The following ZNF248 variants were observed in gnomAD, a reference collection of about 807,000 sequenced individuals.
ZNF248 encodes the protein zinc finger protein 248, also known as KRAB protein domain.
Under a neutral mutation model 44.3 loss-of-function variants are expected in ZNF248, and 20 were observed. The ratio of observed to expected loss-of-function variants is 0.45; its 90% CI spans 0.32 to 0.66. The LOEUF (loss-of-function observed/expected upper bound fraction) is 0.66. Ranked by LOEUF, ZNF248 falls within the 30% of genes least tolerant of loss-of-function variation. The pLI is 0.04. For missense variants in ZNF248, 654 were observed against 677.0 expected (o/e 0.97, Z 0.38); for synonymous variants, 224 against 229.0 (o/e 0.98, Z 0.20).
At position 37,853,885 on chromosome 10, in the gene ZNF248, T is replaced by A. The variant is rs953724217; in HGVS notation, c.15+2411A>T. The stretch of plus-strand genomic sequence containing the variant: ...AAGGCAAATAACTGTAGATGAAGCA[T>A]GATATTGCAAAAGGGAAGAAAAAGC... On this transcript the variant is annotated intron_variant, in intron 3 of 5. Coordinates refer to ENST00000395867, the MANE Select transcript of ZNF248 (RefSeq NM_021045.3). Among the ~76,000 whole-genome samples, 5 of 152,026 alleles carry A rather than the reference T, an allele frequency of 3.3e-5. No individual in the cohort carries two copies. The South Asian group carries it at 6.2e-4, about 19-fold the overall frequency.
intron 3 of ZNF248, among the ~76,000 whole-genome samples, chr10:37,851,097 TA>T (rs1006841349): frequency 6.6e-6 from 1 of 151,818 alleles, no homozygotes; most frequent in African/African-American, 2.4e-5. Flanking sequence ...CTCAATACAT[TA>T]AAAAAAATCC....
chr10:37,791,685 G>A (rs1205889600), intron 6 of ZNF248: 1 of 152,148 alleles, frequency 6.6e-6, no homozygotes, highest in Non-Finnish European at 1.5e-5. Flanking sequence ...AAAGCCATTT[G>A]AATAAAAATT....
intron 6 of ZNF248, among the ~76,000 whole-genome samples, chr10:37,784,954 T>C (rs2047717339): frequency 6.6e-6 from 1 of 152,192 alleles, no homozygotes; most frequent in Non-Finnish European, 1.5e-5. Flanking sequence ...TATTATACAA[T>C]TTGCGTCTCC....
chr10:37,803,980 TAATTAAAAAGAAC>T, intron 6 of ZNF248: 1 of 152,786 alleles, frequency 6.5e-6, no homozygotes, highest in African/African-American at 2.4e-5. Context: ...ACATGGTGGA[TAATTAAAAAGAAC>T]AAGAAGACAT....
rs1437181966 is a variant in ZNF248, at chr10:37,829,137, CAA to C, written c.*2476_*2477del. ...AGCAGATGTATCTGGTTGGTTTCTC[CAA>C]AGAGAGACACCAGCAATTTGGCACC... On this transcript the variant is annotated 3_prime_UTR_variant, in exon 6 of 6. Transcript: ENST00000395867. 1 of 985,340 alleles carries C rather than the reference CAA, an allele frequency of 1.0e-6. No individual in the cohort carries two copies. The highest frequency in any genetic ancestry group is 1.1e-4 in the East Asian group (1 of 8,828). The allele number at this position is 985,340 out of a possible 1,614,324, so 61.0% of individuals were successfully genotyped here.
At chr10:37,764,612 C>T in the ZNF248 span, among the ~76,000 whole-genome samples, 3 of 152,126 alleles carry the variant, frequency 2.0e-5, no homozygotes, top group Admixed American at 2.0e-4. Context: ...CCCCTGGACA[C>T]CCAGCTTTAA....
At chr10:37,796,150 T>C (rs897623335) in intron 6 of ZNF248, 3 of 152,044 alleles carry the variant, frequency 2.0e-5, no homozygotes, top group African/African-American at 7.2e-5. Context: ...TATTTTGTAA[T>C]AATAAAAGGG....
At chr10:37,818,978 A>C (rs2053018167) in intron 6 of ZNF248, 1 of 1,046,268 alleles carries the variant, frequency 9.6e-7, no homozygotes, top group East Asian at 2.4e-5. Flanking sequence ...TCAACCACAA[A>C]ACTCTGGTGT....
downstream of ZNF248, among the ~76,000 whole-genome samples, chr10:37,826,019 G>A (rs2054329195): frequency 6.6e-6 from 1 of 152,118 alleles, no homozygotes; most frequent in African/African-American, 2.4e-5. Context: ...CTACCTAAAA[G>A]TGAGCCATTG....
At chr10:37,795,634 A>T (rs925261472) in intron 6 of ZNF248, 1 of 152,092 alleles carries the variant, frequency 6.6e-6, no homozygotes, top group Non-Finnish European at 1.5e-5. Context: ...TTCCATTTTG[A>T]TTGTATTCAT....
chr10:37,818,064 C>T (rs1313673735), intron 6 of ZNF248, among the ~76,000 whole-genome samples: 1 of 152,048 alleles, frequency 6.6e-6, no homozygotes, highest in African/African-American at 2.4e-5. Flanking sequence ...TATAGGCGCC[C>T]ACCACCAAGC....
At position 37,837,668 on chromosome 10, in the gene ZNF248, C is replaced by T. The variant is rs1362022899; in HGVS notation, c.187G>A (p.Gly63Arg). The T allele has an allele frequency of 1.2e-6, 2 of 1,614,094 alleles. No homozygotes were observed. ...TTTTCTAATATCCAGGGCTCTTCTC[C>T]TTGCTCGATCTTAAAGATCACTTCT... is the stretch of plus-strand genomic sequence containing the variant. ...KPEVIFKIEQGEEPWILEKGF... is the reference protein window; with the variant it reads ...KPEVIFKIEQREEPWILEKGF... Residue 63 changes from glycine to arginine, a missense_variant, in exon 5 of 6, where the codon GGA (glycine) becomes AGA (arginine). Physicochemically the swap from Gly to Arg is moderately radical, Grantham distance 125. Transcript: ENST00000395867.
rs797010790 is a variant in ZNF248, at chr10:37,780,129, T to C, written c.331-3554A>G. The stretch of plus-strand genomic sequence containing the variant: ...AGATTCAATGCCATCCCCATCAAGC[T>C]AACAATGACTTTCTTCACAGAATTG... On this transcript the variant is annotated intron_variant, in intron 6 of 6. Coordinates refer to the ZNF248 transcript ENST00000615949. Among the ~76,000 whole-genome samples the C allele has an allele frequency of 1.3e-4, 19 of 150,350 alleles. No homozygotes were observed. The East Asian group carries it at 2.9e-3, about 23-fold the overall frequency.
intron 3 of ZNF248, among the ~76,000 whole-genome samples, chr10:37,849,673 T>C (rs2059905523): frequency 6.6e-6 from 1 of 150,840 alleles, no homozygotes; most frequent in South Asian, 2.1e-4. Context: ...GGCAACAGAA[T>C]GAGACTGTCT....
intron 6 of ZNF248, among the ~76,000 whole-genome samples, chr10:37,806,896 T>TA (rs2050646523): frequency 2.6e-5 from 4 of 152,184 alleles, no homozygotes; most frequent in Admixed American, 2.6e-4. Context: ...TGTAGGCCTT[T>TA]AATCCATGTT....
At chr10:37,810,721 A>C (rs771147833) in intron 6 of ZNF248, among the ~76,000 whole-genome samples, 1 of 152,248 alleles carries the variant, frequency 6.6e-6, no homozygotes, top group African/African-American at 2.4e-5. Context: ...CAAATTTCCT[A>C]TAAAAAGCTA....
intron 6 of ZNF248, among the ~76,000 whole-genome samples, chr10:37,811,627 G>A (rs545539340): frequency 5.3e-5 from 8 of 150,452 alleles, no homozygotes; most frequent in Admixed American, 5.3e-4. Flanking sequence ...TTGAGCCCAA[G>A]AGTTCAAGAC....
chr10:37,802,151 T>C (rs1345835671), intron 6 of ZNF248, among the ~76,000 whole-genome samples: 1 of 152,200 alleles, frequency 6.6e-6, no homozygotes, highest in African/African-American at 2.4e-5. Context: ...TAATTTCTGT[T>C]CCCTTATAAA....
chr10:37,766,442 C>A, the ZNF248 span, among the ~76,000 whole-genome samples: 1 of 152,180 alleles, frequency 6.6e-6, no homozygotes, highest in African/African-American at 2.4e-5. Flanking sequence ...GCAGCATTTG[C>A]GGTTCACCAA....
Sources: allele counts gnomAD v4.1 joint callset (sites outside exome capture counted in the v4.1 genomes callset), GRCh38; gene constraint gnomAD v4.1.1; transcripts MANE v1.5; gene names NCBI Gene and HGNC (gene_info 2026-07-23, HGNC 2026-07-21).